Variants in TTN observed in about 807,000 individuals in gnomAD.
TTN encodes connectin.
In TTN, 1,525 loss-of-function variants were observed where a neutral mutation model predicts 3,223.0. The ratio of observed to expected loss-of-function variants is 0.47; its 90% CI spans 0.45 to 0.49. TTN has a LOEUF of 0.49. Among genes scored for constraint, TTN ranks in the 20% least tolerant of loss-of-function variants. The pLI, the probability that TTN is intolerant of heterozygous loss-of-function variation, is 0.00. For synonymous variants in TTN, 14,094 were observed against 15,161.0 expected (o/e 0.93, Z 5.17); for missense variants, 40,786 against 43,424.0 (o/e 0.94, Z 5.40).
Position 178,539,894 on chromosome 2 carries a change from A to G in TTN, c.98171T>C (p.Leu32724Pro). Residue 32724 changes from leucine to proline, a missense_variant, in exon 352 of 363, where the codon CTT becomes CCT. Leu to Pro is a moderately conservative substitution (Grantham distance 98). Coordinates refer to ENST00000589042, the MANE Select transcript of TTN (RefSeq NM_001267550.2). The stretch of plus-strand genomic sequence containing the variant: ...TGGTTTTCCTTTGATTGGTATGGTA[A>G]GTCTGATGACGCCACCTTGCCTTAC... Reference protein sequence around the residue: ...IFVRQGGVIRLTIPIKGKPFP... With the variant: ...IFVRQGGVIRPTIPIKGKPFP... The G allele has an allele frequency of 6.2e-7, 1 of 1,613,818 alleles. No individual in the cohort carries two copies. Among genetic ancestry groups the G allele is most frequent in the African/African-American group, 1.3e-5 (1 of 75,016 alleles).
intron 12 of TTN, 105 bp from the exon 13 acceptor site, chr2:178,789,602 T>C (rs2093381278): frequency 1.4e-6 from 2 of 1,428,030 alleles, no homozygotes; most frequent in Admixed American, 1.8e-5. Flanking sequence ...TTATTCAGGG[T>C]TAAATACACA....
intron 12 of TTN, among the ~76,000 whole-genome samples, 190 bp downstream of exon 12, chr2:178,789,788 G>T (rs1053757652): frequency 6.6e-6 from 1 of 152,110 alleles, no homozygotes; most frequent in African/African-American, 2.4e-5. Context: ...AATTATAAAT[G>T]TTACAGATGG....
At position 178,533,793 on chromosome 2, in the gene TTN, A is replaced by G. The variant is rs1480278078; in HGVS notation, c.102822T>C (p.Asn34274=). ...CAGTTATAGTTACTCCAAACCGGAC[A>G]TTTTCACCTACATAAGCTGTCTTAT... The part of the protein sequence containing the change: ...LYNKTAYVGE[N]VRFGVTITVH... The change falls in exon 358 of 363, where the codon AAT becomes AAC. Residue 34274 remains asparagine, a synonymous_variant. Transcript: ENST00000589042. 6.2e-7 allele frequency: 1 copy of G among 1,613,966 alleles called. No homozygotes were observed.
chr2:178,761,615 A>G (rs1404290977), intron 43 of TTN, among the ~76,000 whole-genome samples: 1 of 152,162 alleles, frequency 6.6e-6, no homozygotes, highest in Non-Finnish European at 1.5e-5. Context: ...GCTCTCTCCC[A>G]GACAGAGAAT....
At chr2:178,637,782 G>A (rs2060690898) in intron 223 of TTN, among the ~76,000 whole-genome samples, 1 of 152,168 alleles carries the variant, frequency 6.6e-6, no homozygotes, top group East Asian at 1.9e-4. Flanking sequence ...AGGAAATAAG[G>A]TTTTGTCAAT....
intron 47 of TTN, chr2:178,751,920 A>G: frequency 6.3e-7 from 1 of 1,589,346 alleles, no homozygotes; most frequent in Non-Finnish European, 8.5e-7. Context: ...GAGCTTGTAG[A>G]TGATATTCTA....
Position 178,562,813 on chromosome 2 carries a change from C to G in TTN, c.83319G>C (p.Leu27773Phe), listed in dbSNP as rs767568495. ...VLDSPSAPVNLTIREVKKDSV... is the reference protein window; with the variant it reads ...VLDSPSAPVNFTIREVKKDSV... ...AGTCTTTCTTCACTTCTCTTATGGT[C>G]AAATTCACAGGGGCACTTGGTGAGT... is the stretch of plus-strand genomic sequence containing the variant. Residue 27773 changes from leucine (L) to phenylalanine (F), a missense_variant, in exon 326 of 363, where the codon TTG (leucine) becomes TTC (phenylalanine). Leu to Phe is a conservative substitution (Grantham distance 22). Coordinates refer to ENST00000589042, the MANE Select transcript of TTN (RefSeq NM_001267550.2). 1.9e-6 allele frequency: 3 copies of G among 1,613,024 alleles called. No individual in the cohort carries two copies. The highest frequency in any genetic ancestry group is 1.7e-6 in the Non-Finnish European group (2 of 1,179,496).
intron 47 of TTN, chr2:178,748,281 C>T (rs755292807): frequency 6.2e-7 from 1 of 1,612,890 alleles, no homozygotes; most frequent in South Asian, 1.1e-5. Flanking sequence ...TGTTCCTGTA[C>T]ATGTCGGACT....
intron 211 of TTN, 92 bp downstream of exon 211, chr2:178,649,724 GT>G: frequency 6.5e-7 from 1 of 1,545,676 alleles, no homozygotes. Context: ...ATAGGTAAGA[GT>G]TAACAAACAT....
chr2:178,799,994 C>A, intron 4 of TTN, 84 bp from the exon 5 acceptor site: 3 of 1,461,128 alleles, frequency 2.1e-6, no homozygotes, highest in South Asian at 2.4e-5. Flanking sequence ...ACTACAAAGT[C>A]AAAAAGATTT....
intron 48 of TTN, 130 bp from the exon 49 acceptor site, chr2:178,738,490 T>A (rs1475111217): frequency 1.1e-5 from 12 of 1,130,704 alleles, no homozygotes; most frequent in Non-Finnish European, 1.4e-5. Flanking sequence ...TACAGCAGTT[T>A]AAGGCAAGTG....
At position 178,618,058 on chromosome 2, in the gene TTN, C is replaced by T. The variant is rs1553710761; in HGVS notation, c.47293G>A (p.Val15765Ile). The T allele has an allele frequency of 6.2e-7, 1 of 1,612,146 alleles. No homozygotes were observed. The highest frequency in any genetic ancestry group is 1.3e-5 in the African/African-American group (1 of 74,808). The change falls in exon 253 of 363, where the codon GTA becomes ATA. Residue 15765 changes from valine (V) to isoleucine (I), a missense_variant. Transcript: ENST00000589042. ...KYDVPGPPLN[V>I]TITDVNRFGV... ...AATCGATTCACATCAGTGATGGTTA[C>T]ATTCAAAGGAGGGCCTGGAACATCT...
chr2:178,793,619 A>T (rs766698832), intron 8 of TTN, 78 bp from the exon 9 acceptor site: 12 of 1,593,718 alleles, frequency 7.5e-6, no homozygotes, highest in African/African-American at 1.3e-5. Flanking sequence ...CCTCGCCAAC[A>T]TGGTGAAATC....
Position 178,785,710 on chromosome 2 carries a change from T to G in TTN, c.2403A>C (p.Arg801Ser). ...GGGGGCGTTTATCCACATGGACTAA[T>G]CTTTCCGTTGTTAGATCTGTAGTTT... Reference protein sequence around the residue: ...IKKTTDLTTERLVHVDKRPRT... With the variant: ...IKKTTDLTTESLVHVDKRPRT... The change falls in exon 15 of 363, where the codon AGA becomes AGC. Residue 801 changes from arginine (R) to serine (S), a missense_variant. Physicochemically the swap from Arg to Ser is moderately radical, Grantham distance 110. Coordinates refer to ENST00000589042, the MANE Select transcript of TTN (RefSeq NM_001267550.2). 1 of 1,614,214 alleles carries G rather than the reference T, an allele frequency of 6.2e-7. No homozygotes were observed. Among genetic ancestry groups the G allele is most frequent in the Non-Finnish European group, 8.5e-7 (1 of 1,180,014 alleles).
rs531162850 is a variant in TTN at position 178,713,155 on chromosome 2, A to C, written c.26979T>G (p.Ser8993Arg). 32 of 1,613,770 alleles carry C rather than the reference A, an allele frequency of 2.0e-5. 1 individual carries two copies. In the South Asian group the frequency reaches 3.3e-4, roughly 17 times the overall value. The stretch of plus-strand genomic sequence containing the variant: ...TAGTAGCTATACATGTGTAGTCACC[A>C]CTGTCTGATTCTTCCAGCATGTTCA... Reference protein sequence around the residue: ...LTVNMLEESDSGDYTCIATNM... With the variant: ...LTVNMLEESDRGDYTCIATNM... The change falls in exon 93 of 363, where the codon AGT becomes AGG. Residue 8993 changes from serine to arginine, a missense_variant. Ser to Arg is a moderately radical substitution (Grantham distance 110, BLOSUM62 -1). Transcript: ENST00000589042.
chr2:178,601,169 G>T lies in TTN; in HGVS notation c.55735C>A (p.Pro18579Thr), dbSNP rs912809911. The T allele has an allele frequency of 2.0e-6, 3 of 1,524,798 alleles. No individual in the cohort carries two copies. The highest frequency in any genetic ancestry group is 1.8e-6 in the Non-Finnish European group (2 of 1,140,450). 94.5% of individuals were successfully genotyped at this position (1,524,798 alleles called of 1,614,324 possible). ...TTGAGTTTAATAGGAGGATCAGGAG[G>T]ATCTGTAAAAATAATTAAAGGAAGT... ...QRTTARDPIY[P>T]PDPPIKLKIG... The change falls in exon 288 of 363, where the codon CCT becomes ACT. Residue 18579 changes from proline to threonine, a missense_variant and splice_region_variant. Coordinates refer to ENST00000589042, the MANE Select transcript of TTN (RefSeq NM_001267550.2).
rs1357418586 is a variant in TTN, at chr2:178,559,710, T to C, written c.86422A>G (p.Thr28808Ala). The C allele has an allele frequency of 1.2e-6, 2 of 1,603,762 alleles. No homozygotes were observed. The highest frequency in any genetic ancestry group is 2.7e-5 in the African/African-American group (2 of 74,718). ...TTGGCATTTTCAATGGTCAGTGATGTACGAGAGTCTGTGGTATCAACATAA... is the reference window on the plus strand; with the variant it reads ...TTGGCATTTTCAATGGTCAGTGATGCACGAGAGTCTGTGGTATCAACATAA... ...RAYVDTTDSR[T>A]SLTIENANRN... is the part of the protein sequence containing the mutation. Residue 28808 changes from threonine (T) to alanine (A), a missense_variant, in exon 326 of 363, where the codon ACA becomes GCA. Physicochemically the swap from Thr to Ala is moderately conservative, Grantham distance 58. Transcript: ENST00000589042.
intron 159 of TTN, among the ~76,000 whole-genome samples, chr2:178,668,066 C>CA (rs1271105606): frequency 6.6e-6 from 1 of 152,090 alleles, no homozygotes; most frequent in Admixed American, 6.5e-5. Context: ...TGCTGAATTG[C>CA]ACATTGAGAA....
intron 29 of TTN, 69 bp downstream of exon 29, chr2:178,774,852 T>TAAA (rs2092015400): frequency 1.3e-6 from 2 of 1,572,602 alleles, no homozygotes; most frequent in African/African-American, 2.7e-5. Flanking sequence ...ATTGCATAGC[T>TAAA]AATTTTACCA....
Sources: gnomAD v4.1 joint callset for allele counts (sites outside exome capture counted in the v4.1 genomes callset) on GRCh38, gnomAD v4.1.1 for gene constraint, MANE v1.5 for transcripts, NCBI Gene and HGNC (gene_info 2026-07-23, HGNC 2026-07-21) for gene names.